ROCK1: variants seen among roughly 807,000 people sequenced by gnomAD.
The protein encoded by ROCK1 is Rho associated coiled-coil containing protein kinase 1, also known as rho-associated protein kinase 1.
In ROCK1, 36 loss-of-function variants were observed where a neutral mutation model predicts 196.8. The observed-to-expected ratio is 0.18, with a 90% CI of 0.14 to 0.24. ROCK1 has a LOEUF of 0.24. Among genes scored for constraint, ROCK1 ranks in the 10% least tolerant of loss-of-function variants. The pLI, the probability that ROCK1 is intolerant of heterozygous loss-of-function variation, is 1.00. For synonymous variants in ROCK1, 443 were observed against 515.9 expected (o/e 0.86, Z 1.91); for missense variants, 920 against 1,562.0 (o/e 0.59, Z 6.93).
intron 2 of ROCK1, among the ~76,000 whole-genome samples, chr18:21,069,201 C>A (rs1182920508): frequency 1.3e-5 from 2 of 152,004 alleles, no homozygotes; most frequent in African/African-American, 4.8e-5. Context: ...AATGCTTTTT[C>A]TGCATCTACT....
intron 11 of ROCK1, among the ~76,000 whole-genome samples, chr18:21,023,002 T>C (rs2035926975): frequency 9.3e-6 from 1 of 107,830 alleles, no homozygotes; most frequent in African/African-American, 5.0e-5. Flanking sequence ...TGGATAAATA[T>C]TGTATGATTC....
rs142347740 is a variant in ROCK1, at chr18:20,990,009, G to A, written c.2143+1167C>T. Among the ~76,000 whole-genome samples the A allele has an allele frequency of 7.2e-3, 1,092 of 152,140 alleles. 23 individuals are homozygous for A. Among genetic ancestry groups the A allele is most frequent in the African/African-American group, 0.025 (1,046 of 41,498 alleles). Reference sequence around the variant, plus strand: ...TGTAATCCCAGCACTTTGGGAGGCCGAGGTGGAAGGATCCCTTGAGCCCAG... The same window carrying A: ...TGTAATCCCAGCACTTTGGGAGGCCAAGGTGGAAGGATCCCTTGAGCCCAG... On this transcript the variant is annotated intron_variant, in intron 18 of 32. Transcript: ENST00000399799.
chr18:20,988,838 C>A (rs2035598918), intron 18 of ROCK1, among the ~76,000 whole-genome samples: 1 of 151,780 alleles, frequency 6.6e-6, no homozygotes, highest in Non-Finnish European at 1.5e-5. Context: ...TGTCTATATT[C>A]ACTATCTGAA....
chr18:21,069,291 G>A (rs186219710), intron 2 of ROCK1, among the ~76,000 whole-genome samples: 2,787 of 149,952 alleles, frequency 0.019, 28 homozygotes, highest in Non-Finnish European at 0.028. Flanking sequence ...AGTAATCCTG[G>A]CATAAACTAT....
chr18:21,026,939 CTT>C (rs1208782541), intron 10 of ROCK1, among the ~76,000 whole-genome samples: 20 of 136,228 alleles, frequency 1.5e-4, no homozygotes, highest in Non-Finnish European at 8.0e-5. Context: ...CTTTTTCTTT[CTT>C]TTTTTTTTTT....
At chr18:21,084,512 T>C (rs1433207065) in intron 1 of ROCK1, among the ~76,000 whole-genome samples, 7 of 152,218 alleles carry the variant, frequency 4.6e-5, no homozygotes, top group Middle Eastern at 3.4e-3. Context: ...ATGCTCAACA[T>C]CATAAATCAT....
intron 2 of ROCK1, among the ~76,000 whole-genome samples, chr18:21,069,859 T>C (rs1568400939): frequency 6.6e-6 from 1 of 151,900 alleles, no homozygotes; most frequent in Non-Finnish European, 1.5e-5. Flanking sequence ...AAAACAATAA[T>C]TTTTTAAAAA....
intron 10 of ROCK1, among the ~76,000 whole-genome samples, chr18:21,025,487 G>T (rs1381672405): frequency 6.6e-6 from 1 of 152,178 alleles, no homozygotes; most frequent in African/African-American, 2.4e-5. Flanking sequence ...TACTTTGGGA[G>T]GCCAAGGTGG....
chr18:21,058,407 C>T (rs1015690925), intron 2 of ROCK1, among the ~76,000 whole-genome samples: 5 of 151,862 alleles, frequency 3.3e-5, no homozygotes, highest in African/African-American at 1.2e-4. Context: ...TTTTAAATGT[C>T]ACAATAGGTA....
In ROCK1 at chr18:20,955,444, C is replaced by T. The variant is rs1416354378; in HGVS notation, c.3513-199G>A. 8.1e-6 allele frequency: 5 copies of T among 619,678 alleles called. No individual in the cohort carries two copies. The South Asian group carries it at 8.3e-5, about 10-fold the overall frequency. 38.4% of individuals were successfully genotyped at this position (619,678 alleles called of 1,614,324 possible). ...TTAAAAAAAATAAAAACAGTAGTAA[C>T]ATCAAATGCTTGTGAGAATGCAGAG... On this transcript the variant is annotated intron_variant, in intron 29 of 32. Coordinates refer to ENST00000399799, the MANE Select transcript of ROCK1 (RefSeq NM_005406.3).
chr18:21,105,902 A>C (rs1009007773), intron 1 of ROCK1, among the ~76,000 whole-genome samples: 2 of 152,230 alleles, frequency 1.3e-5, no homozygotes, highest in African/African-American at 4.8e-5. Flanking sequence ...TGATAGGCCA[A>C]AGATTGAGGA....
At chr18:21,041,602 G>C (rs1346625291) in intron 8 of ROCK1, among the ~76,000 whole-genome samples, 1 of 151,972 alleles carries the variant, frequency 6.6e-6, no homozygotes, top group Admixed American at 6.6e-5. Flanking sequence ...AAAAAAGATA[G>C]TATACTTTTA....
At chr18:21,049,706 A>G in intron 3 of ROCK1, 74 bp downstream of exon 3, 1 of 942,610 alleles carries the variant, frequency 1.1e-6, no homozygotes, top group Middle Eastern at 2.2e-4. Flanking sequence ...ATTTTCCCAA[A>G]TAATATGTTA....
chr18:21,066,105 G>A (rs2036332155), intron 2 of ROCK1, among the ~76,000 whole-genome samples: 1 of 152,082 alleles, frequency 6.6e-6, no homozygotes, highest in Non-Finnish European at 1.5e-5. Flanking sequence ...TGATGTGCTT[G>A]CTGATGAAAG....
Position 20,992,825 on chromosome 18 carries a change from A to T in ROCK1, c.1992+6T>A. ...TATAATAATTGGTATATGTTAAATC[A>T]TTTACCTTTTCTGAGTGATTAAGCA... On this transcript the variant is annotated splice_donor_region_variant and intron_variant, in intron 17 of 32. Transcript: ENST00000399799. The T allele has an allele frequency of 2.0e-6, 3 of 1,523,000 alleles. No individual in the cohort carries two copies. Among genetic ancestry groups the T allele is most frequent in the Non-Finnish European group, 2.7e-6 (3 of 1,099,280 alleles). 94.3% of individuals were successfully genotyped at this position (1,523,000 alleles called of 1,614,324 possible).
At chr18:20,963,485 GT>G (rs1568368868) in intron 27 of ROCK1, among the ~76,000 whole-genome samples, 1 of 152,008 alleles carries the variant, frequency 6.6e-6, no homozygotes, top group African/African-American at 2.4e-5. Context: ...TTTGGGCAAG[GT>G]CAGAAACATT....
intron 16 of ROCK1, among the ~76,000 whole-genome samples, chr18:21,003,239 C>T (rs909618271): frequency 6.6e-6 from 1 of 152,064 alleles, no homozygotes; most frequent in African/African-American, 2.4e-5. Flanking sequence ...ACGAAAAAAA[C>T]ATGGTTTCTT....
chr18:20,967,258 C>T (rs2035382823), intron 26 of ROCK1, among the ~76,000 whole-genome samples, 182 bp from the exon 27 acceptor site: 1 of 152,178 alleles, frequency 6.6e-6, no homozygotes, highest in South Asian at 2.1e-4. Context: ...ATACAATGCT[C>T]GGACAAATTC....
At chr18:20,974,944 C>T (rs1340503029) in intron 22 of ROCK1, among the ~76,000 whole-genome samples, 2 of 152,210 alleles carry the variant, frequency 1.3e-5, no homozygotes, top group Non-Finnish European at 2.9e-5. Context: ...GCTACATCCC[C>T]TTGCCATAAC....
Sources: allele counts gnomAD v4.1 joint callset (sites outside exome capture counted in the v4.1 genomes callset), GRCh38; gene constraint gnomAD v4.1.1; transcripts MANE v1.5; gene names NCBI Gene and HGNC (gene_info 2026-07-23, HGNC 2026-07-21).